The following C5orf34 variants were observed in gnomAD, a reference collection of about 807,000 sequenced individuals.
The protein encoded by C5orf34 is uncharacterized protein C5orf34.
A neutral mutation model predicts 78.4 loss-of-function variants in C5orf34; 73 were observed. The observed-to-expected ratio is 0.93, with a 90% CI of 0.77 to 1.13. C5orf34 has a LOEUF of 1.13. Among genes scored for constraint, C5orf34 ranks in the 50% most tolerant of loss-of-function variants. C5orf34 has a pLI of 0.00. For missense variants in C5orf34, 730 were observed against 732.7 expected, an observed-to-expected ratio of 1.00 and a Z score of 0.04; for synonymous variants, 251 against 246.6, an observed-to-expected ratio of 1.02 and a Z score of -0.17.
At position 43,492,807 on chromosome 5, in the gene C5orf34, GT is replaced by G; in HGVS notation, c.1397del (p.Tyr466SerfsTer11). The G allele has an allele frequency of 6.2e-7, 1 of 1,612,924 alleles. No individual in the cohort carries two copies. Among genetic ancestry groups the G allele is most frequent in the Non-Finnish European group, 8.5e-7 (1 of 1,179,170 alleles). ...LIPSVGRFLA[Y>X]SDDKVHAIFL... Reference sequence around the variant, plus strand: ...AGATAGCATGTACTTTGTCATCAGAGTAGGCAAGAAATCTTCCCACACTGGG... The same window carrying G: ...AGATAGCATGTACTTTGTCATCAGAGAGGCAAGAAATCTTCCCACACTGGG... On this transcript the variant is annotated frameshift_variant, in exon 9 of 13. Coordinates refer to ENST00000306862, the MANE Select transcript of C5orf34 (RefSeq NM_198566.4). LOFTEE classifies it high-confidence loss of function.
At chr5:43,503,894 T>C in intron 4 of C5orf34, 134 bp from the exon 5 acceptor site, 4 of 605,106 alleles carry the variant, frequency 6.6e-6, no homozygotes, top group Non-Finnish European at 1.2e-5. Flanking sequence ...AAAATTAATA[T>C]GAAGGTATAT....
intron 1 of C5orf34, among the ~76,000 whole-genome samples, chr5:43,513,892 C>G (rs1746376175): frequency 6.6e-6 from 1 of 152,166 alleles, no homozygotes; most frequent in African/African-American, 2.4e-5. Flanking sequence ...TATTTACTTG[C>G]TTTTTATTTT....
At position 43,505,913 on chromosome 5, in the gene C5orf34, G is replaced by T. The variant is rs756216939; in HGVS notation, c.767C>A (p.Ser256Tyr). 1.2e-6 allele frequency: 2 copies of T among 1,613,966 alleles called. No homozygotes were observed. Among genetic ancestry groups the T allele is most frequent in the Middle Eastern group, 1.6e-4 (1 of 6,084 alleles). ...TTTATTATGAAAATGAAGTGCTAAA[G>T]ACAAAGGATATTTCCATTCCTCTGG... is the stretch of plus-strand genomic sequence containing the variant. ...ACPEEWKYPL[S>Y]LALHFHNKIS... is the part of the protein sequence containing the mutation. The change falls in exon 4 of 13, where the codon TCT (serine) becomes TAT (tyrosine). Residue 256 changes from serine to tyrosine, a missense_variant. Transcript: ENST00000306862.
intron 1 of C5orf34, among the ~76,000 whole-genome samples, chr5:43,511,489 G>A (rs1298184444): frequency 5.3e-5 from 8 of 152,178 alleles, no homozygotes; most frequent in Non-Finnish European, 7.4e-5. Flanking sequence ...TCTGGGAAGT[G>A]AGGAGCCCCT....
At chr5:43,489,324 C>G (rs1049839353) in intron 11 of C5orf34, among the ~76,000 whole-genome samples, 20 of 152,054 alleles carry the variant, frequency 1.3e-4, no homozygotes, top group Non-Finnish European at 2.4e-4. Context: ...AACCTACCCT[C>G]TTTGATAAGA....
intron 6 of C5orf34, chr5:43,495,839 T>G: frequency 6.3e-7 from 1 of 1,588,508 alleles, no homozygotes; most frequent in Non-Finnish European, 8.6e-7. Context: ...CCAAGGCATG[T>G]TAGCACTCGG....
At position 43,490,743 on chromosome 5, in the gene C5orf34, A is replaced by G. The variant is rs1366697900; in HGVS notation, c.1581-14T>C. On this transcript the variant is annotated splice_polypyrimidine_tract_variant and intron_variant, in intron 10 of 12. Coordinates refer to ENST00000306862, the MANE Select transcript of C5orf34 (RefSeq NM_198566.4). ...GTTGTCACATATCTAAAGTGAATACATTAAAAGAAATACTTGAAAAATGAA... is the reference window on the plus strand; with the variant it reads ...GTTGTCACATATCTAAAGTGAATACGTTAAAAGAAATACTTGAAAAATGAA... 1 of 1,300,342 alleles carries G rather than the reference A, an allele frequency of 7.7e-7. No homozygotes were observed. Among genetic ancestry groups the G allele is most frequent in the Middle Eastern group, 1.8e-4 (1 of 5,422 alleles). 80.6% of individuals were successfully genotyped at this position (1,300,342 alleles called of 1,614,324 possible).
rs780558226 is a variant in C5orf34 at position 43,505,919 on chromosome 5, G to A, written c.761C>T (p.Pro254Leu). 3 of 1,614,060 alleles carry A rather than the reference G, an allele frequency of 1.9e-6. No individual in the cohort carries two copies. The highest frequency in any genetic ancestry group is 1.1e-5 in the South Asian group (1 of 91,070). Residue 254 changes from proline to leucine, a missense_variant, in exon 4 of 13, where the codon CCT (proline) becomes CTT (leucine). Transcript: ENST00000306862. ...ATGAAAATGAAGTGCTAAAGACAAA[G>A]GATATTTCCATTCCTCTGGACAGGC... ...VAACPEEWKY[P>L]LSLALHFHNK...
intron 6 of C5orf34, among the ~76,000 whole-genome samples, chr5:43,499,121 G>A (rs1007385989): frequency 2.6e-5 from 4 of 152,196 alleles, no homozygotes; most frequent in Non-Finnish European, 2.9e-5. Context: ...AAAAACATGA[G>A]GATGTCATGA....
chr5:43,491,935 C>T (rs1244578711), intron 10 of C5orf34, among the ~76,000 whole-genome samples: 2 of 142,098 alleles, frequency 1.4e-5, no homozygotes, highest in Non-Finnish European at 3.0e-5. Flanking sequence ...ACCCAGGAGG[C>T]GGAGGTTGTG....
chr5:43,508,716 TC>T, intron 2 of C5orf34, 50 bp from the exon 3 acceptor site: 1 of 1,128,470 alleles, frequency 8.9e-7, no homozygotes, highest in Non-Finnish European at 1.3e-6. Context: ...GATTTGAAAA[TC>T]AATTAAAAAT....
intron 11 of C5orf34, chr5:43,488,541 T>TACG (rs1745149411): frequency 6.6e-6 from 1 of 152,130 alleles, no homozygotes; most frequent in Non-Finnish European, 1.5e-5. Flanking sequence ...ATCCAAGTTT[T>TACG]TAAATAGTTG....
chr5:43,486,816 G>T lies in C5orf34; in HGVS notation c.*99C>A. The T allele has an allele frequency of 1.9e-6, 1 of 537,948 alleles. No homozygotes were observed. The allele number at this position is 537,948 out of a possible 1,614,324, so 33.3% of individuals were successfully genotyped here. On this transcript the variant is annotated 3_prime_UTR_variant, in exon 13 of 13. Coordinates refer to ENST00000306862, the MANE Select transcript of C5orf34 (RefSeq NM_198566.4). ...CAGTTCTTTCACAATCATTGTGCCG[G>T]GGTAATACGTACAATATCTTGGCTT...
intron 6 of C5orf34, among the ~76,000 whole-genome samples, chr5:43,498,171 T>C (rs1261744533): frequency 6.6e-6 from 1 of 152,238 alleles, no homozygotes; most frequent in African/African-American, 2.4e-5. Context: ...GCTGTGTCTG[T>C]TTTGCTCATG....
At chr5:43,487,149 T>C in intron 12 of C5orf34, 38 bp from the exon 13 acceptor site, 6 of 1,017,358 alleles carry the variant, frequency 5.9e-6, no homozygotes, top group Non-Finnish European at 8.3e-6. Flanking sequence ...CCCACATTTT[T>C]CACTATATAA....
chr5:43,492,357 G>T, intron 9 of C5orf34, 48 bp from the exon 10 acceptor site: 1 of 1,217,516 alleles, frequency 8.2e-7, no homozygotes, highest in Non-Finnish European at 1.2e-6. Flanking sequence ...CTGAAAAAAA[G>T]AACATAAACA....
chr5:43,509,299 G>A lies in C5orf34; in HGVS notation c.41C>T (p.Ser14Leu). Residue 14 changes from serine (S) to leucine (L), a missense_variant, in exon 2 of 13, where the codon TCA becomes TTA. Physicochemically the swap from Ser to Leu is moderately radical, Grantham distance 145 (BLOSUM62 -2). Coordinates refer to ENST00000306862, the MANE Select transcript of C5orf34 (RefSeq NM_198566.4). ...ACCATCAACATATTGTACTTGTACT[G>A]AATCATCTTCATAAAGTATCATTCG... ...ELRMILYEDD[S>L]VQVQYVDGST... 6.2e-7 allele frequency: 1 copy of A among 1,612,998 alleles called. No homozygotes were observed. Among genetic ancestry groups the A allele is most frequent in the African/African-American group, 1.3e-5 (1 of 75,014 alleles).
intron 11 of C5orf34, 24 bp from the exon 12 acceptor site, chr5:43,487,973 T>A: frequency 6.3e-7 from 1 of 1,586,024 alleles, no homozygotes; most frequent in Non-Finnish European, 8.6e-7. Context: ...AAGAAAAAAT[T>A]CATTCAGTTG....
At chr5:43,488,696 T>C (rs1038464980) in intron 11 of C5orf34, among the ~76,000 whole-genome samples, 1 of 152,098 alleles carries the variant, frequency 6.6e-6, no homozygotes, top group African/African-American at 2.4e-5. Context: ...GTGGGACAAC[T>C]GGTATGGAGT....
Sources: gnomAD v4.1 joint callset for allele counts (sites outside exome capture counted in the v4.1 genomes callset) on GRCh38, gnomAD v4.1.1 for gene constraint, MANE v1.5 for transcripts, NCBI Gene and HGNC (gene_info 2026-07-23, HGNC 2026-07-21) for gene names.